Variants in CCNB3 observed in about 807,000 individuals in gnomAD.
The protein encoded by CCNB3 is cyclin B3, also known as G2/mitotic-specific cyclin-B3.
CCNB3 carries 12 observed loss-of-function variants against 68.0 expected under a neutral mutation model. The ratio of observed to expected loss-of-function variants is 0.18; its 90% CI spans 0.11 to 0.29. The LOEUF (loss-of-function observed/expected upper bound fraction) is 0.29. Among genes scored for constraint, CCNB3 ranks in the 10% least tolerant of loss-of-function variants. CCNB3 has a pLI of 1.00. For synonymous variants in CCNB3, 354 were observed against 388.9 expected (o/e 0.91, Z 1.06); for missense variants, 904 against 993.1 (o/e 0.91, Z 1.21).
At chrX:50,317,567 G>GTATGTATGTATGTATGTATGTATT (rs1409621892) in intron 8 of CCNB3, among the ~76,000 whole-genome samples, 77 of 108,372 alleles carry the variant, frequency 7.1e-4, no homozygotes, top group African/African-American at 2.6e-3. Context: ...ATGTATGTAT[G>GTATGTATGTATGTATGTATGTATT]TATTTATTTA....
At chrX:50,228,153 A>G (rs1468850584) in intron 1 of CCNB3, among the ~76,000 whole-genome samples, 2 of 91,845 alleles carry the variant, frequency 2.2e-5, no homozygotes, top group Non-Finnish European at 4.2e-5. Context: ...ATATATAAAT[A>G]TCTACATAGA....
chrX:50,281,347 T>G (rs1936133374), intron 1 of CCNB3, among the ~76,000 whole-genome samples: 1 of 108,919 alleles, frequency 9.2e-6, no homozygotes, highest in South Asian at 4.1e-4. Context: ...CGGACTCGAG[T>G]CGCTATAGTA....
intron 1 of CCNB3, among the ~76,000 whole-genome samples, chrX:50,222,728 T>G (rs950987189): frequency 2.7e-5 from 3 of 111,175 alleles, no homozygotes; most frequent in Admixed American, 9.6e-5. Flanking sequence ...TTGGCAAATC[T>G]GATGATTATG....
At chrX:50,305,465 T>A (rs1377269948) in intron 5 of CCNB3, among the ~76,000 whole-genome samples, 1 of 109,774 alleles carries the variant, frequency 9.1e-6, no homozygotes, top group Non-Finnish European at 1.9e-5. Context: ...TGAAAACACA[T>A]GGACACAGGA....
At chrX:50,323,204 T>C (rs1922117645) in intron 8 of CCNB3, among the ~76,000 whole-genome samples, 1 of 110,962 alleles carries the variant, frequency 9.0e-6, no homozygotes, top group Admixed American at 9.6e-5. Flanking sequence ...ATTAAGAAAA[T>C]GTGGCACATA....
At chrX:50,279,656 A>G (rs1238760850) in intron 1 of CCNB3, among the ~76,000 whole-genome samples, 2 of 90,356 alleles carry the variant, frequency 2.2e-5, no homozygotes, top group African/African-American at 3.9e-5. Flanking sequence ...ACATTCATCT[A>G]TGTAAATATA....
intron 1 of CCNB3, among the ~76,000 whole-genome samples, chrX:50,207,835 A>G (rs1200628138): frequency 8.9e-6 from 1 of 111,734 alleles, no homozygotes; most frequent in Non-Finnish European, 1.9e-5. Context: ...GAGTTGTACA[A>G]CCATTACCAT....
intron 8 of CCNB3, among the ~76,000 whole-genome samples, chrX:50,340,790 T>G (rs1923084609): frequency 9.0e-6 from 1 of 110,598 alleles, no homozygotes; most frequent in Admixed American, 9.6e-5. Context: ...TTTCTTGGAG[T>G]TGGTGAAGGC....
Position 50,279,912 on chromosome X carries a change from A to T in CCNB3, c.-112-4630A>T, listed in dbSNP as rs1187899240. Among the ~76,000 whole-genome samples, 34 of 87,225 alleles carry T rather than the reference A, an allele frequency of 3.9e-4. 1 individual carries two copies. Among genetic ancestry groups the T allele is most frequent in the African/African-American group, 1.2e-3 (28 of 22,754 alleles). 75.7% of individuals were successfully genotyped at this position (87,225 alleles called of 115,157 possible). A position where few individuals can be genotyped will look rare whatever the true frequency, so the allele number is the denominator to read the frequency against. On this transcript the variant is annotated intron_variant, in intron 1 of 12. Coordinates refer to ENST00000376042, the MANE Select transcript of CCNB3 (RefSeq NM_033031.3). ...TATAAATATATAGTGTATATATATAAAAATATATATAGAATAAATATGTAT... is the reference window on the plus strand; with the variant it reads ...TATAAATATATAGTGTATATATATATAAATATATATAGAATAAATATGTAT...
At chrX:50,297,698 T>C (rs1484997802) in intron 5 of CCNB3, among the ~76,000 whole-genome samples, 1 of 111,960 alleles carries the variant, frequency 8.9e-6, no homozygotes, top group Non-Finnish European at 1.9e-5. Context: ...GGGGATGGCA[T>C]TGAATCTCTA....
intron 8 of CCNB3, among the ~76,000 whole-genome samples, chrX:50,336,447 G>A (rs1347618659): frequency 3.6e-5 from 4 of 111,638 alleles, no homozygotes; most frequent in Non-Finnish European, 7.5e-5. Context: ...CACTTGATTG[G>A]TTATTTCCAG....
chrX:50,320,244 T>C (rs972425394), intron 8 of CCNB3, among the ~76,000 whole-genome samples: 3 of 111,599 alleles, frequency 2.7e-5, no homozygotes, highest in East Asian at 2.8e-4. Context: ...AGCGAAAACA[T>C]TGGAGCCTGG....
chrX:50,225,268 C>T (rs1430269969), intron 1 of CCNB3, among the ~76,000 whole-genome samples: 8 of 110,406 alleles, frequency 7.2e-5, no homozygotes, highest in Non-Finnish European at 1.5e-4. Context: ...TTCCAGGCTG[C>T]GGGAACATCT....
At chrX:50,227,780 T>TAAATATAAATATATAGAGA in intron 1 of CCNB3, among the ~76,000 whole-genome samples, 1 of 80,166 alleles carries the variant, frequency 1.2e-5, no homozygotes, top group African/African-American at 4.8e-5. Flanking sequence ...ATATAGAGAA[T>TAAATATAAATATATAGAGA]ATATATAAAT....
Position 50,351,757 on chromosome X carries a change from C to G in CCNB3, c.*54C>G, listed in dbSNP as rs782294979. The G allele has an allele frequency of 1.9e-5, 17 of 911,072 alleles. No homozygotes were observed. The highest frequency in any genetic ancestry group is 2.6e-5 in the Non-Finnish European group (17 of 653,899). 75.1% of individuals were successfully genotyped at this position (911,072 alleles called of 1,213,427 possible). A position where few individuals can be genotyped will look rare whatever the true frequency, so the allele number is the denominator to read the frequency against. The stretch of plus-strand genomic sequence containing the variant: ...TAACAGGGTATATTTATTCTATGTT[C>G]GAATTTGTCTTTTGATCGCTTTTAT... On this transcript the variant is annotated 3_prime_UTR_variant, in exon 13 of 13. Coordinates refer to ENST00000376042, the MANE Select transcript of CCNB3 (RefSeq NM_033031.3).
At position 50,335,795 on chromosome X, in the gene CCNB3, G is replaced by A. The variant is rs182587166; in HGVS notation, c.3517-6407G>A. 2.9e-3 allele frequency among the ~76,000 whole-genome samples: 319 copies of A among 111,682 alleles called. 2 individuals are homozygous for A. The highest frequency in any genetic ancestry group is 4.9e-3 in the Non-Finnish European group (262 of 53,128). ...ACTCCTGTTTCTGGTAAGTTTAGCT[G>A]TAAAGAGCCCTGTTTTGTAAAGGAG... On this transcript the variant is annotated intron_variant, in intron 8 of 12. Transcript: ENST00000376042.
At position 50,309,513 on chromosome X, in the gene CCNB3, T is replaced by G. The variant is rs376736828; in HGVS notation, c.1344T>G (p.Val448=). The G allele has an allele frequency of 8.3e-7, 1 of 1,209,256 alleles. No individual in the cohort carries two copies. Among genetic ancestry groups the G allele is most frequent in the Non-Finnish European group, 1.1e-6 (1 of 894,950 alleles). Residue 448 remains valine (V), a synonymous_variant, in exon 6 of 13, where the codon GTT becomes GTG. Coordinates refer to ENST00000376042, the MANE Select transcript of CCNB3 (RefSeq NM_033031.3). The part of the protein sequence containing the change: ...LQKKHTTQEE[V]SILKEPSSLL... ...AGAAGCACACCACTCAGGAGGAGGTTTCCATCTTAAAGGAGCCCTCGTCCT... is the reference window on the plus strand; with the variant it reads ...AGAAGCACACCACTCAGGAGGAGGTGTCCATCTTAAAGGAGCCCTCGTCCT...
chrX:50,308,534 C>A lies in CCNB3; in HGVS notation c.365C>A (p.Ala122Asp). The change falls in exon 6 of 13, where the codon GCC becomes GAC. Residue 122 changes from alanine (A) to aspartate (D), a missense_variant. By Grantham distance (126) the Ala-to-Asp change is moderately radical. Coordinates refer to ENST00000376042, the MANE Select transcript of CCNB3 (RefSeq NM_033031.3). ...AAGCTGGAAGTCACACCAGTAGTAG[C>A]CTCTACTACCGTGGTACCAAACATT... ...WHKLEVTPVV[A>D]STTVVPNIME... 1 of 1,200,024 alleles carries A rather than the reference C, an allele frequency of 8.3e-7. No homozygotes were observed. The highest frequency in any genetic ancestry group is 1.1e-6 in the Non-Finnish European group (1 of 886,475).
chrX:50,341,540 A>T (rs781982707), intron 8 of CCNB3, among the ~76,000 whole-genome samples: 1 of 109,645 alleles, frequency 9.1e-6, no homozygotes, highest in South Asian at 3.8e-4. Context: ...AGACTAAAAA[A>T]AAAAAATACA....
Sources: allele counts gnomAD v4.1 joint callset (sites outside exome capture counted in the v4.1 genomes callset), GRCh38; gene constraint gnomAD v4.1.1; transcripts MANE v1.5; gene names NCBI Gene and HGNC (gene_info 2026-07-23, HGNC 2026-07-21).